The following CEP19 variants were observed in gnomAD, a reference collection of about 807,000 sequenced individuals.
CEP19 encodes the protein centrosomal protein of 19 kDa.
In CEP19, 14 loss-of-function variants were observed where a neutral mutation model predicts 17.5. That is an observed-to-expected ratio of 0.80 (90% CI 0.53 to 1.25). The LOEUF (loss-of-function observed/expected upper bound fraction) is 1.25, where lower values mean the gene tolerates loss of function less well. Among genes scored for constraint, CEP19 ranks in the 50% most tolerant of loss-of-function variants. The pLI is 0.00. For synonymous variants in CEP19, 59 were observed against 65.5 expected (o/e 0.90, Z 0.48); for missense variants, 193 against 192.0 (o/e 1.01, Z -0.03).
chr3:196,708,636 A>G lies in CEP19; in HGVS notation c.22T>C (p.Cys8Arg). Reference protein sequence around the residue: MMCTAKKCGIRFQPPAII... With the variant: MMCTAKKRGIRFQPPAII... ...GCTGGAGGCTGAAACCTAATCCCAC[A>G]TTTCTTGGCAGTGCACATCATTCCC... The change falls in exon 2 of 3, where the codon TGT (cysteine) becomes CGT (arginine). Residue 8 changes from cysteine to arginine, a missense_variant. Coordinates refer to ENST00000409690, the MANE Select transcript of CEP19 (RefSeq NM_032898.5). 6.2e-7 allele frequency: 1 copy of G among 1,614,086 alleles called. No homozygotes were observed. The highest frequency in any genetic ancestry group is 1.1e-5 in the South Asian group (1 of 91,080).
intron 2 of CEP19, among the ~76,000 whole-genome samples, chr3:196,708,176 C>T (rs1336746305): frequency 6.6e-6 from 1 of 152,118 alleles, no homozygotes; most frequent in South Asian, 2.1e-4. Flanking sequence ...ATATTAAACA[C>T]TTTCAACTGG....
Position 196,708,528 on chromosome 3 carries a change from C to G in CEP19, c.130G>C (p.Asp44His), listed in dbSNP as rs369304064. The change falls in exon 2 of 3, where the codon GAT becomes CAT. Residue 44 changes from aspartate to histidine, a missense_variant and splice_region_variant. Coordinates refer to ENST00000409690, the MANE Select transcript of CEP19 (RefSeq NM_032898.5). The part of the protein sequence containing the change: ...MPVRNFSKFS[D>H]CTRAAEQLKN... ...GGAGGCAAGATAAGACATGAGGTAC[C>G]TGAAAACTTTGAAAAGTTTCGAACT... 2 of 1,613,978 alleles carry G rather than the reference C, an allele frequency of 1.2e-6. No homozygotes were observed. Among genetic ancestry groups the G allele is most frequent in the Non-Finnish European group, 1.7e-6 (2 of 1,179,900 alleles).
intron 1 of CEP19, 35 bp downstream of exon 1, chr3:196,711,894 T>C: frequency 2.8e-6 from 2 of 717,416 alleles, no homozygotes; most frequent in Non-Finnish European, 5.2e-6. Flanking sequence ...CTCTCCCTAC[T>C]CACGTCTCCA....
At chr3:196,710,021 G>A (rs1156856685) in intron 1 of CEP19, among the ~76,000 whole-genome samples, 1 of 152,152 alleles carries the variant, frequency 6.6e-6, no homozygotes, top group Admixed American at 6.6e-5. Flanking sequence ...ACCCTTGATT[G>A]TGTCCAGTCT....
chr3:196,707,465 A>G lies in CEP19; in HGVS notation c.*86T>C. On this transcript the variant is annotated 3_prime_UTR_variant, in exon 3 of 3. Coordinates refer to ENST00000409690, the MANE Select transcript of CEP19 (RefSeq NM_032898.5). The stretch of plus-strand genomic sequence containing the variant: ...CAATCCCCTATAACCCAACATATTT[A>G]GTATTCTTTACAGCTTCTTCCAGAA... 7.2e-7 allele frequency: 1 copy of G among 1,395,170 alleles called. No homozygotes were observed. Among genetic ancestry groups the G allele is most frequent in the Non-Finnish European group, 9.7e-7 (1 of 1,032,746 alleles). 86.4% of individuals were successfully genotyped at this position (1,395,170 alleles called of 1,614,324 possible). A position where few individuals can be genotyped will look rare whatever the true frequency, so the allele number is the denominator to read the frequency against.
At chr3:196,711,329 T>G (rs950135351) in intron 1 of CEP19, among the ~76,000 whole-genome samples, 1 of 143,070 alleles carries the variant, frequency 7.0e-6, no homozygotes, top group Admixed American at 6.8e-5. Context: ...CATTTTCAGT[T>G]TTTTTTTTTC....
chr3:196,708,823 A>G (rs991046613), intron 1 of CEP19, 96 bp from the exon 2 acceptor site: 34 of 649,644 alleles, frequency 5.2e-5, no homozygotes, highest in Non-Finnish European at 8.1e-5. Flanking sequence ...CTCTGGCCAC[A>G]CACGCTCAGC....
chr3:196,708,737 A>G lies in CEP19; in HGVS notation c.-70-10T>C. On this transcript the variant is annotated splice_polypyrimidine_tract_variant and intron_variant, in intron 1 of 2. Coordinates refer to ENST00000409690, the MANE Select transcript of CEP19 (RefSeq NM_032898.5). ...GCATAATGACTTCCTGCTAAAGGGA[A>G]AAAACAACTAGGTGTTGGATAAATG... 1 of 1,421,936 alleles carries G rather than the reference A, an allele frequency of 7.0e-7. No homozygotes were observed. The highest frequency in any genetic ancestry group is 9.8e-7 in the Non-Finnish European group (1 of 1,024,556). The allele number at this position is 1,421,936 out of a possible 1,614,324, so 88.1% of individuals were successfully genotyped here.
chr3:196,709,239 T>C (rs1711658343), intron 1 of CEP19, among the ~76,000 whole-genome samples: 1 of 152,260 alleles, frequency 6.6e-6, no homozygotes, highest in Non-Finnish European at 1.5e-5. Flanking sequence ...CAAGGTACTA[T>C]GATAAGGTAA....
chr3:196,711,259 T>C (rs1314721757), intron 1 of CEP19, among the ~76,000 whole-genome samples: 1 of 152,218 alleles, frequency 6.6e-6, no homozygotes, highest in African/African-American at 2.4e-5. Flanking sequence ...AGACTGAATT[T>C]TAAAAGGCAT....
chr3:196,708,019 T>C (rs2108663110), intron 2 of CEP19, 107 bp from the exon 3 acceptor site: 2 of 1,245,936 alleles, frequency 1.6e-6, no homozygotes, highest in South Asian at 2.9e-5. Flanking sequence ...ACCCTGAAAA[T>C]ATTATCTCCA....
chr3:196,710,954 C>CCT lies in CEP19; in HGVS notation c.-71+974_-71+975insAG, dbSNP rs1553794760. Among the ~76,000 whole-genome samples the CCT allele has an allele frequency of 4.2e-4, 46 of 110,402 alleles. 1 individual carries two copies. In the East Asian group the frequency reaches 0.033, roughly 80 times the overall value. The allele number at this position is 110,402 out of a possible 152,430, so 72.4% of individuals were successfully genotyped here. The stretch of plus-strand genomic sequence containing the variant: ...TCCTTCTTTTCCTTCTCTTTTCTTG[C>CCT]TTTTTTTTTTTTTTTAACGAATACT... On this transcript the variant is annotated intron_variant, in intron 1 of 2. Coordinates refer to ENST00000409690, the MANE Select transcript of CEP19 (RefSeq NM_032898.5).
chr3:196,707,811 G>A lies in CEP19; in HGVS notation c.232C>T (p.Arg78Ter), dbSNP rs587777230. ...AGACTCTGCCCCGACAAGTAACCTC[G>A]TAAAAAACTGAATAGCTTCTCTAGC... ...RQLEKLFSFL[R>*]GYLSGQSLAE... Residue 78 changes from arginine to a stop codon, truncating the protein, a stop_gained, in exon 3 of 3, where the codon CGA becomes TGA. Coordinates refer to ENST00000409690, the MANE Select transcript of CEP19 (RefSeq NM_032898.5). LOFTEE classifies it high-confidence loss of function. 19 of 1,614,026 alleles carry A rather than the reference G, an allele frequency of 1.2e-5. No homozygotes were observed. The highest frequency in any genetic ancestry group is 4.0e-5 in the African/African-American group (3 of 74,920).
At chr3:196,709,881 C>T (rs1711681847) in intron 1 of CEP19, among the ~76,000 whole-genome samples, 1 of 152,146 alleles carries the variant, frequency 6.6e-6, no homozygotes, top group Admixed American at 6.5e-5. Flanking sequence ...GTGATGATAT[C>T]TTCGTGAACT....
Position 196,712,118 on chromosome 3 carries a change from G to T in CEP19, c.-260C>A. On this transcript the variant is annotated 5_prime_UTR_variant, in exon 1 of 3. Transcript: ENST00000409690. ...AGCCCGAGGGGTGAACTCCCCGGCGGGAGGCCCGAACCCTCAAACACCGGG... is the reference window on the plus strand; with the variant it reads ...AGCCCGAGGGGTGAACTCCCCGGCGTGAGGCCCGAACCCTCAAACACCGGG... The T allele has an allele frequency of 1.6e-6, 1 of 619,486 alleles. No homozygotes were observed. Among genetic ancestry groups the T allele is most frequent in the Non-Finnish European group, 3.0e-6 (1 of 337,146 alleles). 38.4% of individuals were successfully genotyped at this position (619,486 alleles called of 1,614,324 possible).
At chr3:196,710,832 C>T (rs1340292742) in intron 1 of CEP19, among the ~76,000 whole-genome samples, 12 of 121,822 alleles carry the variant, frequency 9.9e-5, no homozygotes, top group Non-Finnish European at 1.8e-4. Flanking sequence ...AAGCATGATA[C>T]GCCTATTCTT....
Position 196,707,598 on chromosome 3 carries a change from G to A in CEP19, c.445C>T (p.Gln149Ter). 1 of 1,613,198 alleles carries A rather than the reference G, an allele frequency of 6.2e-7. No individual in the cohort carries two copies. Among genetic ancestry groups the A allele is most frequent in the Non-Finnish European group, 8.5e-7 (1 of 1,179,780 alleles). The change falls in exon 3 of 3, where the codon CAA becomes TAA. Residue 149 changes from glutamine to a stop codon, truncating the protein, a stop_gained. Transcript: ENST00000409690. LOFTEE classifies it high-confidence loss of function. The stretch of plus-strand genomic sequence containing the variant: ...GTGTCCCAGCCACAGGACTGCAGTT[G>A]ATCGTCCTGTGGAAATTCAACCTCA... Reference protein sequence around the residue: ...DIEVEFPQDDQLQSCGWDTES... With the variant: ...DIEVEFPQDD
chr3:196,708,651 A>G lies in CEP19; in HGVS notation c.7T>C (p.Cys3Arg), dbSNP rs1376653086. 6.2e-7 allele frequency: 1 copy of G among 1,614,050 alleles called. No individual in the cohort carries two copies. The highest frequency in any genetic ancestry group is 1.1e-5 in the South Asian group (1 of 91,086). The change falls in exon 2 of 3, where the codon TGC (cysteine) becomes CGC (arginine). Residue 3 changes from cysteine (C) to arginine (R), a missense_variant. Transcript: ENST00000409690. ...CTAATCCCACATTTCTTGGCAGTGC[A>G]CATCATTCCCATGTACATGTCCGGG... The part of the protein sequence containing the change: MM[C>R]TAKKCGIRFQ...
rs1711835473 is a variant in CEP19 at position 196,712,216 on chromosome 3, G to T, written c.-358C>A. 1.9e-6 allele frequency: 1 copy of T among 536,612 alleles called. No individual in the cohort carries two copies. The highest frequency in any genetic ancestry group is 3.3e-6 in the Non-Finnish European group (1 of 299,316). 33.2% of individuals were successfully genotyped at this position (536,612 alleles called of 1,614,324 possible). A position where few individuals can be genotyped will look rare whatever the true frequency, so the allele number is the denominator to read the frequency against. Reference sequence around the variant, plus strand: ...TCGGCGTACAGGGATTCCAGGTCCCGGCGAGCGCTGGCCTAGCGGTTTCCA... The same window carrying T: ...TCGGCGTACAGGGATTCCAGGTCCCTGCGAGCGCTGGCCTAGCGGTTTCCA... On this transcript the variant is annotated 5_prime_UTR_variant, in exon 1 of 3. Transcript: ENST00000409690.
Sources: gnomAD v4.1 joint callset for allele counts (sites outside exome capture counted in the v4.1 genomes callset) on GRCh38, gnomAD v4.1.1 for gene constraint, MANE v1.5 for transcripts, NCBI Gene and HGNC (gene_info 2026-07-23, HGNC 2026-07-21) for gene names.